HIBADH: variants seen among roughly 807,000 people sequenced by gnomAD.
HIBADH encodes 3-hydroxyisobutyrate dehydrogenase.
Under a neutral mutation model 36.1 loss-of-function variants are expected in HIBADH, and 25 were observed. The ratio of observed to expected loss-of-function variants is 0.69; its 90% CI spans 0.50 to 0.97. HIBADH has a LOEUF of 0.97. Among genes scored for constraint, HIBADH ranks in the 50% least tolerant of loss-of-function variants. The pLI, the probability that HIBADH is intolerant of heterozygous loss-of-function variation, is 0.00. For missense variants in HIBADH, 421 were observed against 418.0 expected, an observed-to-expected ratio of 1.01 and a Z score of -0.06; for synonymous variants, 160 against 149.5, an observed-to-expected ratio of 1.07 and a Z score of -0.51.
At chr7:27,580,000 TGA>T (rs70994664) in intron 4 of HIBADH, among the ~76,000 whole-genome samples, 18,580 of 152,124 alleles carry the variant, frequency 0.12, 1,498 homozygotes, top group East Asian at 0.38. Flanking sequence ...TCAAAATACA[TGA>T]GAGTCTGTTT....
intron 4 of HIBADH, among the ~76,000 whole-genome samples, chr7:27,594,983 ATAAC>A (rs771913461): frequency 1.2e-4 from 18 of 152,204 alleles, no homozygotes; most frequent in Non-Finnish European, 1.9e-4. Flanking sequence ...AAATCACAAA[ATAAC>A]TAAAAGAAGA....
intron 1 of HIBADH, among the ~76,000 whole-genome samples, chr7:27,661,451 G>C (rs1313842510): frequency 1.3e-5 from 2 of 152,026 alleles, no homozygotes; most frequent in Non-Finnish European, 2.9e-5. Context: ...GGACGGGCGT[G>C]GTGGCACATG....
At chr7:27,613,054 AAT>A (rs1785351422) in intron 4 of HIBADH, among the ~76,000 whole-genome samples, 2 of 107,242 alleles carry the variant, frequency 1.9e-5, no homozygotes, top group Admixed American at 2.1e-4. Flanking sequence ...AAATATATAT[AAT>A]ATAATTTATA....
At chr7:27,637,762 G>A (rs926859313) in intron 2 of HIBADH, among the ~76,000 whole-genome samples, 4 of 151,904 alleles carry the variant, frequency 2.6e-5, no homozygotes, top group Admixed American at 1.3e-4. Flanking sequence ...AAATCAATGC[G>A]CAAAAATAAC....
intron 1 of HIBADH, among the ~76,000 whole-genome samples, 171 bp downstream of exon 1, chr7:27,662,527 G>C (rs1427571508): frequency 6.6e-6 from 1 of 152,222 alleles, no homozygotes; most frequent in African/African-American, 2.4e-5. Flanking sequence ...GGTACTCGCG[G>C]AGTGAGTGGC....
intron 1 of HIBADH, among the ~76,000 whole-genome samples, 176 bp downstream of exon 1, chr7:27,662,522 T>C (rs534764710): frequency 5.3e-5 from 8 of 152,278 alleles, no homozygotes; most frequent in African/African-American, 1.9e-4. Context: ...AGGGGGGTAC[T>C]CGCGGAGTGA....
intron 4 of HIBADH, among the ~76,000 whole-genome samples, chr7:27,599,421 G>A (rs947579838): frequency 1.2e-4 from 18 of 151,978 alleles, no homozygotes; most frequent in Non-Finnish European, 2.6e-4. Flanking sequence ...GGTGGCTCAC[G>A]CCTGTAATCC....
intron 4 of HIBADH, among the ~76,000 whole-genome samples, chr7:27,551,229 G>A (rs1482863372): frequency 6.6e-6 from 1 of 152,026 alleles, no homozygotes; most frequent in African/African-American, 2.4e-5. Flanking sequence ...ACATGTATGA[G>A]GACATTATTA....
chr7:27,610,887 A>G (rs1396200323), intron 4 of HIBADH, among the ~76,000 whole-genome samples: 4 of 152,192 alleles, frequency 2.6e-5, no homozygotes, highest in Non-Finnish European at 5.9e-5. Context: ...TCTAGTGGAA[A>G]AACAGTAGGT....
chr7:27,546,052 C>A (rs1027118590), intron 4 of HIBADH, among the ~76,000 whole-genome samples: 5 of 152,110 alleles, frequency 3.3e-5, no homozygotes, highest in African/African-American at 1.2e-4. Flanking sequence ...GTATTAATAA[C>A]TTCTTCATAG....
intron 2 of HIBADH, among the ~76,000 whole-genome samples, chr7:27,642,812 C>T (rs1421821659): frequency 2.6e-5 from 4 of 151,918 alleles, no homozygotes; most frequent in East Asian, 1.9e-4. Flanking sequence ...CCATTACGCC[C>T]GGCTAATTTT....
chr7:27,641,416 C>T (rs998843523), intron 2 of HIBADH, among the ~76,000 whole-genome samples: 1 of 152,086 alleles, frequency 6.6e-6, no homozygotes, highest in Admixed American at 6.5e-5. Context: ...GGACACCCGT[C>T]CTTAAAAATG....
chr7:27,643,593 T>C (rs1400220038), intron 2 of HIBADH, among the ~76,000 whole-genome samples: 1 of 152,208 alleles, frequency 6.6e-6, no homozygotes, highest in Non-Finnish European at 1.5e-5. Context: ...TATAGAAAGA[T>C]TCAAAACCTA....
chr7:27,638,880 C>G (rs1157446338), intron 2 of HIBADH, among the ~76,000 whole-genome samples: 2 of 152,052 alleles, frequency 1.3e-5, no homozygotes, highest in Non-Finnish European at 2.9e-5. Context: ...CAAATCAAAA[C>G]CACAATGAGA....
intron 4 of HIBADH, among the ~76,000 whole-genome samples, chr7:27,561,882 AACTGTT>A (rs1297713182): frequency 1.3e-5 from 2 of 152,256 alleles, no homozygotes; most frequent in African/African-American, 4.8e-5. Flanking sequence ...TAATCTTAAG[AACTGTT>A]ACATTTAATT....
intron 4 of HIBADH, among the ~76,000 whole-genome samples, chr7:27,586,909 G>C (rs1784873819): frequency 6.6e-6 from 1 of 152,224 alleles, no homozygotes; most frequent in Admixed American, 6.5e-5. Flanking sequence ...GAAGCCACCA[G>C]CTGGCGTGCC....
intron 4 of HIBADH, among the ~76,000 whole-genome samples, chr7:27,555,855 C>T (rs1289873315): frequency 2.6e-5 from 4 of 152,074 alleles, no homozygotes; most frequent in Non-Finnish European, 5.9e-5. Context: ...CTTCTCAAGT[C>T]AAATATATAT....
chr7:27,574,575 GGTTC>G, intron 4 of HIBADH, among the ~76,000 whole-genome samples: 1 of 151,968 alleles, frequency 6.6e-6, no homozygotes, highest in African/African-American at 2.4e-5. Context: ...TACATAGATA[GGTTC>G]AGACATGCAA....
At chr7:27,530,506 C>T (rs1001730603) in intron 7 of HIBADH, among the ~76,000 whole-genome samples, 6 of 152,070 alleles carry the variant, frequency 3.9e-5, no homozygotes, top group African/African-American at 1.4e-4. Flanking sequence ...CGCGCCTGGC[C>T]GTATTCTTAC....
Sources: gnomAD v4.1 joint callset for allele counts (sites outside exome capture counted in the v4.1 genomes callset) on GRCh38, gnomAD v4.1.1 for gene constraint, MANE v1.5 for transcripts, NCBI Gene and HGNC (gene_info 2026-07-23, HGNC 2026-07-21) for gene names.